Variants in LYPD5 observed in about 807,000 individuals in gnomAD.
The protein encoded by LYPD5 is ly6/PLAUR domain-containing protein 5.
In LYPD5, 21 loss-of-function variants were observed where a neutral mutation model predicts 19.1. The observed-to-expected ratio is 1.10, with a 90% CI of 0.78 to 1.58. The LOEUF (loss-of-function observed/expected upper bound fraction) is 1.58. LYPD5 is among the 40% of genes most tolerant of loss of function. The pLI is 0.00. For synonymous variants in LYPD5, 128 were observed against 142.7 expected (o/e 0.90, Z 0.74); for missense variants, 287 against 329.8 (o/e 0.87, Z 1.00).
chr19:43,811,264 G>A (rs1487210280), intron 1 of LYPD5, among the ~76,000 whole-genome samples: 2 of 149,992 alleles, frequency 1.3e-5, no homozygotes, highest in African/African-American at 4.9e-5. Flanking sequence ...ATGACAGCTT[G>A]AGCCCAGGAG....
At chr19:43,812,392 C>T (rs1970334364) in intron 1 of LYPD5, among the ~76,000 whole-genome samples, 1 of 142,200 alleles carries the variant, frequency 7.0e-6, no homozygotes, top group Non-Finnish European at 1.5e-5. Context: ...TATCATCTAT[C>T]TATCCATCCA....
chr19:43,820,180 C>A (rs1193258855), intron 1 of LYPD5, among the ~76,000 whole-genome samples: 1 of 152,194 alleles, frequency 6.6e-6, no homozygotes, highest in Non-Finnish European at 1.5e-5. Flanking sequence ...GAGAAACACA[C>A]CTGCTGTGTC....
intron 1 of LYPD5, chr19:43,815,889 C>T (rs1371106339): frequency 2.9e-5 from 5 of 172,392 alleles, no homozygotes; most frequent in African/African-American, 9.6e-5. Context: ...AGGTGTGCAC[C>T]ACCATGCCTA....
Position 43,799,446 on chromosome 19 carries a change from T to A in LYPD5, c.193+260A>T, listed in dbSNP as rs959964698. 9.2e-5 allele frequency among the ~76,000 whole-genome samples: 14 copies of A among 152,280 alleles called. No individual in the cohort carries two copies. In the East Asian group the frequency reaches 2.5e-3, roughly 27 times the overall value. On this transcript the variant is annotated intron_variant, in intron 2 of 4. Transcript: ENST00000377950. ...ATTTAGTAGAGACGGGGTTTTGCCATGTTGGCCAGGCTGGTCTCAAACTTC... is the reference window on the plus strand; with the variant it reads ...ATTTAGTAGAGACGGGGTTTTGCCAAGTTGGCCAGGCTGGTCTCAAACTTC...
chr19:43,819,480 C>T (rs769028577), intron 1 of LYPD5, among the ~76,000 whole-genome samples: 8 of 151,894 alleles, frequency 5.3e-5, no homozygotes, highest in Non-Finnish European at 8.8e-5. Flanking sequence ...GAGGGATTGG[C>T]TTCCTTTTTC....
intron 1 of LYPD5, among the ~76,000 whole-genome samples, chr19:43,815,041 G>A (rs541302933): frequency 1.3e-5 from 2 of 152,288 alleles, no homozygotes; most frequent in South Asian, 4.1e-4. Flanking sequence ...TATCTTGCCA[G>A]AGACTCCACA....
rs1970135140 is a variant in LYPD5, at chr19:43,796,720, C to G, written c.*871G>C. 1 of 152,198 alleles carries G rather than the reference C, an allele frequency of 6.6e-6. No individual in the cohort carries two copies. The highest frequency in any genetic ancestry group is 1.5e-5 in the Non-Finnish European group (1 of 68,060). 9.4% of individuals were successfully genotyped at this position (152,198 alleles called of 1,614,324 possible). On this transcript the variant is annotated 3_prime_UTR_variant, in exon 5 of 5. Coordinates refer to ENST00000377950, the MANE Select transcript of LYPD5 (RefSeq NM_001031749.3). ...ATACTCACTAGATACACAAGCTCAA[C>G]CAAGTGCTTTTGCCTCTCAGTTTGT... is the stretch of plus-strand genomic sequence containing the variant.
intron 1 of LYPD5, among the ~76,000 whole-genome samples, chr19:43,810,280 T>C (rs908851404): frequency 2.6e-5 from 4 of 152,132 alleles, no homozygotes; most frequent in Non-Finnish European, 5.9e-5. Context: ...GAACTCCCAG[T>C]ACATGATTGA....
chr19:43,812,378 A>ATC (rs1568406587), intron 1 of LYPD5, among the ~76,000 whole-genome samples: 287 of 54,958 alleles, frequency 5.2e-3, no homozygotes, highest in African/African-American at 0.016. Context: ...TCTATCTATC[A>ATC]ATCTATCATC....
In LYPD5 at chr19:43,799,848, C is replaced by A. The variant is rs769935788; in HGVS notation, c.65-14G>T. 1.2e-6 allele frequency: 2 copies of A among 1,602,652 alleles called. No individual in the cohort carries two copies. Among genetic ancestry groups the A allele is most frequent in the East Asian group, 2.2e-5 (1 of 44,582 alleles). ...GGGCTTGGGACCCTGGGGAGAGAGG[C>A]GTGGCAGAGTCAGCAGGGCCAGTGT... On this transcript the variant is annotated splice_polypyrimidine_tract_variant and intron_variant, in intron 1 of 4. Coordinates refer to ENST00000377950, the MANE Select transcript of LYPD5 (RefSeq NM_001031749.3).
intron 1 of LYPD5, among the ~76,000 whole-genome samples, chr19:43,814,712 T>A (rs1970355731): frequency 6.6e-6 from 1 of 152,196 alleles, no homozygotes. Flanking sequence ...TATGATGTCA[T>A]GAATGTGAAT....
chr19:43,816,169 A>T (rs1280905991), intron 1 of LYPD5, among the ~76,000 whole-genome samples: 1 of 152,176 alleles, frequency 6.6e-6, no homozygotes, highest in East Asian at 1.9e-4. Context: ...AGTTGTAATA[A>T]CTTATTCTTT....
intron 1 of LYPD5, among the ~76,000 whole-genome samples, chr19:43,820,252 C>T (rs1445768734): frequency 6.6e-6 from 1 of 152,210 alleles, no homozygotes; most frequent in Non-Finnish European, 1.5e-5. Context: ...GATGCACACA[C>T]ACCCCATTCC....
At chr19:43,800,497 A>G (rs1480341721) in intron 1 of LYPD5, among the ~76,000 whole-genome samples, 1 of 152,218 alleles carries the variant, frequency 6.6e-6, no homozygotes, top group African/African-American at 2.4e-5. Context: ...TATGTCTGTG[A>G]GGATGCTTGT....
chr19:43,807,524 T>A (rs1395851608), intron 1 of LYPD5, among the ~76,000 whole-genome samples: 1 of 152,120 alleles, frequency 6.6e-6, no homozygotes. Flanking sequence ...TCTCAGGTGA[T>A]CCGCCTGCCT....
chr19:43,813,609 T>G (rs991273841), intron 1 of LYPD5, among the ~76,000 whole-genome samples: 2 of 152,252 alleles, frequency 1.3e-5, no homozygotes, highest in African/African-American at 4.8e-5. Flanking sequence ...GGAGATGGAC[T>G]GACTTACTTT....
At chr19:43,804,624 C>T (rs1970255620), upstream of LYPD5, among the ~76,000 whole-genome samples, 1 of 152,188 alleles carries the variant, frequency 6.6e-6, no homozygotes, top group African/African-American at 2.4e-5. Flanking sequence ...TATGTCCTCC[C>T]TTACTGTCAT....
intron 1 of LYPD5, chr19:43,815,817 A>AGCCTTG: frequency 2.8e-6 from 1 of 355,762 alleles, no homozygotes; most frequent in Non-Finnish European, 5.4e-6. Flanking sequence ...AGCTCACTGC[A>AGCCTTG]ACCTCTGCTT....
At chr19:43,808,294 C>T (rs541190399) in intron 1 of LYPD5, among the ~76,000 whole-genome samples, 24 of 151,980 alleles carry the variant, frequency 1.6e-4, no homozygotes, top group Non-Finnish European at 2.6e-4. Flanking sequence ...TTAGTAGAGA[C>T]GGGGTTTCAC....
Sources: allele counts gnomAD v4.1 joint callset (sites outside exome capture counted in the v4.1 genomes callset), GRCh38; gene constraint gnomAD v4.1.1; transcripts MANE v1.5; gene names NCBI Gene and HGNC (gene_info 2026-07-23, HGNC 2026-07-21).